The following ZCCHC7 variants were observed in gnomAD, a reference collection of about 807,000 sequenced individuals.
ZCCHC7 encodes the protein zinc finger CCHC-type containing 7.
In ZCCHC7, 35 loss-of-function variants were observed where a neutral mutation model predicts 52.0. The observed-to-expected ratio is 0.67, with a 90% CI of 0.51 to 0.89. ZCCHC7 has a LOEUF of 0.89. Ranked by LOEUF, ZCCHC7 falls within the 40% of genes least tolerant of loss-of-function variation. ZCCHC7 has a pLI of 0.00. For missense variants in ZCCHC7, 574 were observed against 649.1 expected (o/e 0.88, Z 1.26); for synonymous variants, 217 against 221.5 (o/e 0.98, Z 0.18).
intron 2 of ZCCHC7, among the ~76,000 whole-genome samples, chr9:37,209,699 T>C (rs1824111514): frequency 6.6e-6 from 1 of 152,218 alleles, no homozygotes; most frequent in Non-Finnish European, 1.5e-5. Flanking sequence ...AATGCATGAC[T>C]GAATAAACTG....
At chr9:37,137,600 T>C (rs1482837425) in intron 2 of ZCCHC7, among the ~76,000 whole-genome samples, 1 of 152,220 alleles carries the variant, frequency 6.6e-6, no homozygotes, top group Non-Finnish European at 1.5e-5. Context: ...TTTGCGTACA[T>C]ACCTCCTTTT....
At chr9:37,300,819 C>T (rs1438653418) in intron 2 of ZCCHC7, among the ~76,000 whole-genome samples, 2 of 152,114 alleles carry the variant, frequency 1.3e-5, no homozygotes, top group Non-Finnish European at 2.9e-5. Flanking sequence ...AGGTCCCTTC[C>T]CCCTTGGCCA....
At chr9:37,124,514 T>C (rs1388572917) in intron 1 of ZCCHC7, among the ~76,000 whole-genome samples, 1 of 152,142 alleles carries the variant, frequency 6.6e-6, no homozygotes, top group Non-Finnish European at 1.5e-5. Context: ...TGATTCATTG[T>C]TTAGCAGAGT....
At chr9:37,286,268 AATT>A (rs1239997737) in intron 2 of ZCCHC7, among the ~76,000 whole-genome samples, 5 of 152,342 alleles carry the variant, frequency 3.3e-5, no homozygotes, top group Non-Finnish European at 5.9e-5. Context: ...GTATTAAATC[AATT>A]ATTATTCATA....
intron 2 of ZCCHC7, among the ~76,000 whole-genome samples, chr9:37,180,825 A>G (rs906572700): frequency 6.6e-6 from 1 of 152,154 alleles, no homozygotes; most frequent in African/African-American, 2.4e-5. Flanking sequence ...TTTGTTCTCA[A>G]ATATATAGGA....
At chr9:37,199,501 T>C (rs1289561808) in intron 2 of ZCCHC7, among the ~76,000 whole-genome samples, 2 of 151,550 alleles carry the variant, frequency 1.3e-5, no homozygotes, top group East Asian at 1.9e-4. Flanking sequence ...CCAGTTAATT[T>C]TTTGTAATTT....
chr9:37,349,597 C>A, intron 7 of ZCCHC7, 145 bp downstream of exon 7: 1 of 722,720 alleles, frequency 1.4e-6, no homozygotes, highest in Non-Finnish European at 2.3e-6. Context: ...ACTGGTTTAC[C>A]CCTCCCCTCC....
intron 5 of ZCCHC7, among the ~76,000 whole-genome samples, chr9:37,314,119 A>C (rs1829711178): frequency 6.6e-6 from 1 of 152,176 alleles, no homozygotes; most frequent in South Asian, 2.1e-4. Flanking sequence ...TAGCAAGCTT[A>C]TCTTGTCTTT....
rs1823521532 is a variant in ZCCHC7 at position 37,199,737 on chromosome 9, T to A, written c.610+72795T>A. The stretch of plus-strand genomic sequence containing the variant: ...CTTTCTTTCTTTCTTTCTCCTTTTC[T>A]CTCTGTTGTCCAGGCTGGAGTGCAG... On this transcript the variant is annotated intron_variant, in intron 2 of 8. Transcript: ENST00000336755. Among the ~76,000 whole-genome samples the A allele has an allele frequency of 4.7e-5, 7 of 148,396 alleles. No homozygotes were observed. The South Asian group carries it at 1.3e-3, about 27-fold the overall frequency.
chr9:37,284,900 C>T (rs1279859045), intron 2 of ZCCHC7, among the ~76,000 whole-genome samples: 8 of 152,208 alleles, frequency 5.3e-5, no homozygotes, highest in African/African-American at 1.9e-4. Context: ...GAACTATTTA[C>T]ATTTCTAACA....
At chr9:37,133,570 TAAAATTTA>T (rs1588353386) in intron 2 of ZCCHC7, among the ~76,000 whole-genome samples, 1 of 151,860 alleles carries the variant, frequency 6.6e-6, no homozygotes, top group East Asian at 1.9e-4. Flanking sequence ...TTTATTTTTT[TAAAATTTA>T]AAAATTTTAA....
intron 2 of ZCCHC7, among the ~76,000 whole-genome samples, chr9:37,274,217 T>G (rs1165408917): frequency 6.7e-6 from 1 of 150,204 alleles, no homozygotes; most frequent in East Asian, 1.9e-4. Context: ...TGTGTATATT[T>G]GAATATGCAT....
chr9:37,136,037 G>GT (rs145618931), intron 2 of ZCCHC7, among the ~76,000 whole-genome samples: 7,693 of 152,008 alleles, frequency 0.051, 635 homozygotes, highest in African/African-American at 0.17. Context: ...TTACATATGT[G>GT]TTTTTTTGTT....
At chr9:37,150,661 A>C (rs1820466706) in intron 2 of ZCCHC7, among the ~76,000 whole-genome samples, 1 of 152,200 alleles carries the variant, frequency 6.6e-6, no homozygotes. Flanking sequence ...AATCTTTTCT[A>C]GAGGGGTGTA....
chr9:37,120,428 C>A, upstream of ZCCHC7: 1 of 395,760 alleles, frequency 2.5e-6, no homozygotes, highest in South Asian at 1.3e-4. Flanking sequence ...GGTTCGCACC[C>A]ACTACGCATG....
intron 2 of ZCCHC7, among the ~76,000 whole-genome samples, chr9:37,164,961 A>G (rs1821339203): frequency 1.3e-5 from 2 of 152,214 alleles, no homozygotes. Flanking sequence ...TCCATTGAGA[A>G]TTGACATATT....
chr9:37,290,958 T>C (rs1331368847), intron 2 of ZCCHC7, among the ~76,000 whole-genome samples: 2 of 152,248 alleles, frequency 1.3e-5, no homozygotes, highest in Non-Finnish European at 2.9e-5. Context: ...TGAAATTGCC[T>C]AGAAGGATAA....
intron 2 of ZCCHC7, among the ~76,000 whole-genome samples, chr9:37,223,149 C>T (rs192748341): frequency 6.8e-6 from 1 of 147,352 alleles, no homozygotes; most frequent in Admixed American, 6.8e-5. Context: ...ACGCAAGGAA[C>T]AGTTTAAAAA....
intron 2 of ZCCHC7, among the ~76,000 whole-genome samples, chr9:37,201,102 TGAA>T (rs1401496705): frequency 6.6e-6 from 1 of 152,244 alleles, no homozygotes; most frequent in Non-Finnish European, 1.5e-5. Context: ...ATTTTTTAAA[TGAA>T]GAAGATATTA....
Sources: gnomAD v4.1 joint callset for allele counts (sites outside exome capture counted in the v4.1 genomes callset) on GRCh38, gnomAD v4.1.1 for gene constraint, MANE v1.5 for transcripts, NCBI Gene and HGNC (gene_info 2026-07-23, HGNC 2026-07-21) for gene names.